The following ANAPC13 variants were observed in gnomAD, a reference collection of about 807,000 sequenced individuals.
The protein encoded by ANAPC13 is anaphase promoting complex subunit 13.
A neutral mutation model predicts 9.6 loss-of-function variants in ANAPC13; 9 were observed. The observed-to-expected ratio is 0.94, with a 90% CI of 0.57 to 1.64. The LOEUF (loss-of-function observed/expected upper bound fraction) is 1.64. Among genes scored for constraint, ANAPC13 ranks in the 40% most tolerant of loss-of-function variants. ANAPC13 has a pLI of 0.00. For synonymous variants in ANAPC13, 30 were observed against 29.7 expected, an observed-to-expected ratio of 1.01 and a Z score of -0.03; for missense variants, 75 against 85.3, an observed-to-expected ratio of 0.88 and a Z score of 0.48.
At chr3:134,481,218 A>G (rs1171074221) in intron 2 of ANAPC13, among the ~76,000 whole-genome samples, 1 of 152,242 alleles carries the variant, frequency 6.6e-6, no homozygotes, top group Non-Finnish European at 1.5e-5. Flanking sequence ...TGAGCATAGC[A>G]GTCTTGCTTT....
intron 2 of ANAPC13, 73 bp downstream of exon 2, chr3:134,482,733 T>C (rs750526698): frequency 1.7e-6 from 2 of 1,202,158 alleles, no homozygotes; most frequent in South Asian, 1.2e-5. Flanking sequence ...TTATCTTCCA[T>C]TGATATCCCT....
At chr3:134,485,785 G>C (rs1935081134) in intron 1 of ANAPC13, 167 bp downstream of exon 1, 1 of 170,684 alleles carries the variant, frequency 5.9e-6, no homozygotes, top group Non-Finnish European at 1.2e-5. Flanking sequence ...GAGGTCTGGG[G>C]GTGCCACGCA....
chr3:134,478,488 A>G lies in ANAPC13; in HGVS notation c.*102T>C, dbSNP rs1934660260. The G allele has an allele frequency of 1.4e-6, 2 of 1,436,536 alleles. No homozygotes were observed. Among genetic ancestry groups the G allele is most frequent in the South Asian group, 1.4e-5 (1 of 71,816 alleles). 89.0% of individuals were successfully genotyped at this position (1,436,536 alleles called of 1,614,324 possible). A position where few individuals can be genotyped will look rare whatever the true frequency, so the allele number is the denominator to read the frequency against. On this transcript the variant is annotated 3_prime_UTR_variant, in exon 3 of 3. Coordinates refer to ENST00000354910, the MANE Select transcript of ANAPC13 (RefSeq NM_015391.4). Reference sequence around the variant, plus strand: ...CAAACTAAATGGGTGTACATTTTTGAGTGCTGATTTATTACTCAAAGGTTT... The same window carrying G: ...CAAACTAAATGGGTGTACATTTTTGGGTGCTGATTTATTACTCAAAGGTTT...
At chr3:134,481,442 C>A (rs1009391493) in intron 2 of ANAPC13, among the ~76,000 whole-genome samples, 2 of 152,208 alleles carry the variant, frequency 1.3e-5, no homozygotes, top group African/African-American at 4.8e-5. Context: ...TCTACCTCCA[C>A]TAAACTTCTG....
At chr3:134,479,624 C>T (rs1046700628) in intron 2 of ANAPC13, among the ~76,000 whole-genome samples, 1 of 152,158 alleles carries the variant, frequency 6.6e-6, no homozygotes, top group South Asian at 2.1e-4. Context: ...GCTGGGATTA[C>T]AGGCGCGAGC....
chr3:134,483,147 C>T (rs1934777169), intron 1 of ANAPC13: 1 of 538,464 alleles, frequency 1.9e-6, no homozygotes, highest in Non-Finnish European at 3.3e-6. Flanking sequence ...GCCCAGCTGA[C>T]AGACCAGTGT....
At chr3:134,479,038 T>C (rs1397526186) in intron 2 of ANAPC13, among the ~76,000 whole-genome samples, 3 of 152,182 alleles carry the variant, frequency 2.0e-5, no homozygotes, top group Non-Finnish European at 4.4e-5. Context: ...GCTGGGTTAC[T>C]TGGGCAAGGT....
At chr3:134,481,579 A>C (rs1934736395) in intron 2 of ANAPC13, among the ~76,000 whole-genome samples, 1 of 152,210 alleles carries the variant, frequency 6.6e-6, no homozygotes, top group Non-Finnish European at 1.5e-5. Flanking sequence ...TTATTATCAC[A>C]ATTACTTATC....
chr3:134,481,779 A>G (rs1288704954), intron 2 of ANAPC13, among the ~76,000 whole-genome samples: 1 of 152,198 alleles, frequency 6.6e-6, no homozygotes, highest in African/African-American at 2.4e-5. Flanking sequence ...CTGCTACCAG[A>G]CTTTGGGCAA....
At chr3:134,485,990 C>CGGG, upstream of ANAPC13, 12 of 837,502 alleles carry the variant, frequency 1.4e-5, no homozygotes, top group African/African-American at 4.9e-5. Context: ...GCTCCTGCCA[C>CGGG]GCCCCCCCCC....
intron 1 of ANAPC13, 77 bp downstream of exon 1, chr3:134,485,874 AG>A (rs1313067426): frequency 4.0e-6 from 2 of 504,156 alleles, no homozygotes; most frequent in African/African-American, 2.1e-5. Context: ...CGATGGGAAT[AG>A]GGGGAAGTCC....
intron 2 of ANAPC13, among the ~76,000 whole-genome samples, chr3:134,479,092 G>A (rs1480146044): frequency 6.6e-6 from 1 of 152,176 alleles, no homozygotes; most frequent in Non-Finnish European, 1.5e-5. Flanking sequence ...GCAAATGGGA[G>A]AACAAAAGAG....
At chr3:134,478,864 AG>A in intron 2 of ANAPC13, 149 bp from the exon 3 acceptor site, 2 of 860,320 alleles carry the variant, frequency 2.3e-6, no homozygotes, top group Non-Finnish European at 3.5e-6. Context: ...CATACACGTG[AG>A]GAAACTATCA....
At chr3:134,484,236 C>T (rs1382737307) in intron 1 of ANAPC13, among the ~76,000 whole-genome samples, 1 of 152,098 alleles carries the variant, frequency 6.6e-6, no homozygotes, top group Non-Finnish European at 1.5e-5. Flanking sequence ...AAAAATTAGC[C>T]GAGCATGGTG....
At position 134,477,915 on chromosome 3, in the gene ANAPC13, A is replaced by G. The variant is rs529707287; in HGVS notation, c.*675T>C. The G allele has an allele frequency of 1.3e-5, 2 of 152,360 alleles. 1 individual carries two copies. Among genetic ancestry groups the G allele is most frequent in the African/African-American group, 4.8e-5 (2 of 41,588 alleles). The allele number at this position is 152,360 out of a possible 1,614,324, so 9.4% of individuals were successfully genotyped here. ...AAATGTATAACTAAATACTGATTCC[A>G]TAGTGGGGTGGTTGTAACTGAAAGG... On this transcript the variant is annotated 3_prime_UTR_variant, in exon 3 of 3. Transcript: ENST00000354910.
At position 134,485,953 on chromosome 3, in the gene ANAPC13, G is replaced by C. The variant is rs1409057206; in HGVS notation, c.-29C>G. The C allele has an allele frequency of 1.0e-6, 1 of 982,148 alleles. No homozygotes were observed. Among genetic ancestry groups the C allele is most frequent in the Non-Finnish European group, 1.2e-6 (1 of 828,316 alleles). 60.8% of individuals were successfully genotyped at this position (982,148 alleles called of 1,614,324 possible). A position where few individuals can be genotyped will look rare whatever the true frequency, so the allele number is the denominator to read the frequency against. Reference sequence around the variant, plus strand: ...GCCGGGGGCGCTGGAAACCCTTACCGGCACCCGGCCACCGCGGCAGACGCT... The same window carrying C: ...GCCGGGGGCGCTGGAAACCCTTACCCGCACCCGGCCACCGCGGCAGACGCT... On this transcript the variant is annotated splice_region_variant and 5_prime_UTR_variant, in exon 1 of 3. Coordinates refer to ENST00000354910, the MANE Select transcript of ANAPC13 (RefSeq NM_015391.4).
At chr3:134,480,269 C>T (rs190272888) in intron 2 of ANAPC13, among the ~76,000 whole-genome samples, 3 of 152,144 alleles carry the variant, frequency 2.0e-5, no homozygotes, top group Non-Finnish European at 2.9e-5. Flanking sequence ...AAGCAGACAA[C>T]GTTGCTTAAT....
intron 2 of ANAPC13, among the ~76,000 whole-genome samples, chr3:134,480,579 A>C (rs552130802): frequency 1.1e-4 from 16 of 152,370 alleles, no homozygotes; most frequent in African/African-American, 3.8e-4. Context: ...CTAAGCTCCA[A>C]GAAGCTCTGC....
intron 1 of ANAPC13, among the ~76,000 whole-genome samples, chr3:134,483,918 C>T (rs1934812463): frequency 1.3e-5 from 2 of 152,274 alleles, no homozygotes; most frequent in South Asian, 4.1e-4. Context: ...GGAAGGAAGC[C>T]ATTTCCTTTA....
Sources: gnomAD v4.1 joint callset for allele counts (sites outside exome capture counted in the v4.1 genomes callset) on GRCh38, gnomAD v4.1.1 for gene constraint, MANE v1.5 for transcripts, NCBI Gene and HGNC (gene_info 2026-07-23, HGNC 2026-07-21) for gene names.